Variants in EPHB6 observed in about 807,000 individuals in gnomAD.
EPHB6 encodes the protein ephrin type-B receptor 6.
In EPHB6, 51 loss-of-function variants were observed where a neutral mutation model predicts 107.0. The ratio of observed to expected loss-of-function variants is 0.48; its 90% CI spans 0.38 to 0.60. EPHB6 has a LOEUF of 0.60. EPHB6 is among the 20% of genes least tolerant of loss of function. The pLI, the probability that EPHB6 is intolerant of heterozygous loss-of-function variation, is 0.00. For synonymous variants in EPHB6, 553 were observed against 549.0 expected (o/e 1.01, Z -0.10); for missense variants, 1,141 against 1,355.5 (o/e 0.84, Z 2.48).
Position 142,867,588 on chromosome 7 carries a change from C to T in EPHB6, c.1751-20C>T. The T allele has an allele frequency of 1.2e-6, 2 of 1,601,354 alleles. No individual in the cohort carries two copies. Among genetic ancestry groups the T allele is most frequent in the South Asian group, 1.1e-5 (1 of 88,862 alleles). ...GTGAGAGACCTGGCCCACCTGTGAC[C>T]CTGTCGGCTGGTCCCCCAGGGGAGC... On this transcript the variant is annotated intron_variant, in intron 11 of 19. Coordinates refer to ENST00000652003, the MANE Select transcript of EPHB6 (RefSeq NM_004445.6). This position sits in a 1 kb window ranked among gnomAD's most constrained non-coding sequence, Gnocchi z 5.3.
Position 142,868,462 on chromosome 7 carries a change from C to T in EPHB6, c.2039-30C>T, listed in dbSNP as rs879206334. ...ACAGCAGGACGCTGTGAGCCTTGAT[C>T]CCCACCCCAACCTACACCTATTTTC... On this transcript the variant is annotated intron_variant, in intron 14 of 19. Coordinates refer to ENST00000652003, the MANE Select transcript of EPHB6 (RefSeq NM_004445.6). This position sits in a 1 kb window ranked among gnomAD's most constrained non-coding sequence, Gnocchi z 4.2. 1 of 1,614,154 alleles carries T rather than the reference C, an allele frequency of 6.2e-7. No homozygotes were observed. The highest frequency in any genetic ancestry group is 8.5e-7 in the Non-Finnish European group (1 of 1,180,030).
Position 142,870,365 on chromosome 7 carries a change from G to T in EPHB6, c.2762G>T (p.Arg921Leu). ...QLVAAFDKMI[R>L]KPDTLQAGGD... Reference sequence around the variant, plus strand: ...GTGGCTGCATTTGACAAGATGATCCGCAAGCCAGATACCCTGCAGGCTGGC... The same window carrying T: ...GTGGCTGCATTTGACAAGATGATCCTCAAGCCAGATACCCTGCAGGCTGGC... Residue 921 changes from arginine to leucine, a missense_variant, in exon 18 of 20, where the codon CGC becomes CTC. Physicochemically the swap from Arg to Leu is moderately radical, Grantham distance 102. Transcript: ENST00000652003. 6.2e-7 allele frequency: 1 copy of T among 1,614,170 alleles called. No individual in the cohort carries two copies. The highest frequency in any genetic ancestry group is 8.5e-7 in the Non-Finnish European group (1 of 1,180,036).
Position 142,866,273 on chromosome 7 carries a change from C to T in EPHB6, c.1419C>T (p.Asp473=), listed in dbSNP as rs769871423. The change falls in exon 9 of 20, where the codon GAC becomes GAT. Residue 473 remains aspartate (D), a synonymous_variant. Coordinates refer to ENST00000652003, the MANE Select transcript of EPHB6 (RefSeq NM_004445.6). The surrounding 1 kb of genome is among the most constrained non-coding windows in gnomAD (Gnocchi z 5.2). ...AVNGVSELSP[D]PPQAAAINVS... ...ATGGGGTGTCTGAGCTCAGCCCTGA[C>T]CCTCCTCAGGCTGCAGCCATCAATG... is the stretch of plus-strand genomic sequence containing the variant. 3.7e-6 allele frequency: 6 copies of T among 1,613,940 alleles called. No homozygotes were observed. In the African/African-American group the frequency reaches 6.7e-5, roughly 18 times the overall value.
At chr7:142,862,675 G>A (rs966532519) in intron 3 of EPHB6, 81 bp from the exon 4 acceptor site, 2 of 152,962 alleles carry the variant, frequency 1.3e-5, no homozygotes, top group African/African-American at 2.4e-5. Context: ...GGTGTGGTGA[G>A]GATTCAATTC....
Position 142,868,575 on chromosome 7 carries a change from G to A in EPHB6, c.2122G>A (p.Gly708Arg), listed in dbSNP as rs200244040. 40 of 1,613,324 alleles carry A rather than the reference G, an allele frequency of 2.5e-5. No homozygotes were observed. The Admixed American group carries it at 3.3e-4, about 13-fold the overall frequency. The change falls in exon 15 of 20, where the codon GGG becomes AGG. Residue 708 changes from glycine (G) to arginine (R), a missense_variant. By Grantham distance (125) the Gly-to-Arg change is moderately radical. Transcript: ENST00000652003. The surrounding 1 kb of genome is among the most constrained non-coding windows in gnomAD (Gnocchi z 4.2). ...TGTGGCCATCCAGGCCCTGTGGGCCGGGGGCGCCGAAAGCCTGCAGATGAC... is the reference window on the plus strand; with the variant it reads ...TGTGGCCATCCAGGCCCTGTGGGCCAGGGGCGCCGAAAGCCTGCAGATGAC... ...QTVAIQALWA[G>R]GAESLQMTFL... is the part of the protein sequence containing the mutation.
rs555319297 is a variant in EPHB6, at chr7:142,864,417, C to T, written c.617C>T (p.Thr206Ile). The change falls in exon 7 of 20, where the codon ACC (threonine) becomes ATC (isoleucine). Residue 206 changes from threonine (T) to isoleucine (I), a missense_variant. By Grantham distance (89) the Thr-to-Ile change is moderately conservative. Coordinates refer to ENST00000652003, the MANE Select transcript of EPHB6 (RefSeq NM_004445.6). ...AAAGAGCGGAGCTTTGGGCCTCTCA[C>T]CCAACGCGGCTTCTACGTGGCCTTC... ...NVKERSFGPL[T>I]QRGFYVAFQD... is the part of the protein sequence containing the mutation. 1 of 1,612,306 alleles carries T rather than the reference C, an allele frequency of 6.2e-7. No homozygotes were observed. Among genetic ancestry groups the T allele is most frequent in the Admixed American group, 1.7e-5 (1 of 60,000 alleles).
Position 142,866,396 on chromosome 7 carries a change from G to A in EPHB6, c.1462+80G>A. 1 of 1,611,552 alleles carries A rather than the reference G, an allele frequency of 6.2e-7. No individual in the cohort carries two copies. On this transcript the variant is annotated intron_variant, in intron 9 of 19. Coordinates refer to ENST00000652003, the MANE Select transcript of EPHB6 (RefSeq NM_004445.6). This position sits in a 1 kb window ranked among gnomAD's most constrained non-coding sequence, Gnocchi z 5.2. ...CTTCCCTACTCCTGATCTCCAGCCT[G>A]GTCCACCCCTGCCGCCCTCCCCTCA...
rs1794668080 is a variant in EPHB6, at chr7:142,867,521, C to G, written c.1751-87C>G. 43 of 1,113,802 alleles carry G rather than the reference C, an allele frequency of 3.9e-5. No individual in the cohort carries two copies. The South Asian group carries it at 5.3e-4, about 14-fold the overall frequency. The allele number at this position is 1,113,802 out of a possible 1,614,324, so 69.0% of individuals were successfully genotyped here. A position where few individuals can be genotyped will look rare whatever the true frequency, so the allele number is the denominator to read the frequency against. ...GGCATGCGCGTGCATGTTGTGTGTGCCTGTGGTGTGTGTGGGTGCCTGGGC... is the reference window on the plus strand; with the variant it reads ...GGCATGCGCGTGCATGTTGTGTGTGGCTGTGGTGTGTGTGGGTGCCTGGGC... On this transcript the variant is annotated intron_variant, in intron 11 of 19. Coordinates refer to ENST00000652003, the MANE Select transcript of EPHB6 (RefSeq NM_004445.6). The surrounding 1 kb of genome is among the most constrained non-coding windows in gnomAD (Gnocchi z 5.3).
rs768963973 is a variant in EPHB6 at position 142,870,517 on chromosome 7, C to T, written c.2805-13C>T. The T allele has an allele frequency of 4.3e-6, 7 of 1,614,172 alleles. No individual in the cohort carries two copies. In the East Asian group the frequency reaches 1.1e-4, roughly 26 times the overall value. On this transcript the variant is annotated splice_polypyrimidine_tract_variant and intron_variant, in intron 18 of 19. Coordinates refer to ENST00000652003, the MANE Select transcript of EPHB6 (RefSeq NM_004445.6). ...AGAGGAGACCTTGACCCTGCTTGCC[C>T]CTCCCCTCTTAGGCCTTCCCAGGCC...
At chr7:142,865,125 C>T (rs1322181705) in intron 7 of EPHB6, among the ~76,000 whole-genome samples, 2 of 152,122 alleles carry the variant, frequency 1.3e-5, no homozygotes, top group South Asian at 2.1e-4. Flanking sequence ...GTGACAGGGA[C>T]GCAGGTAGAG....
In EPHB6 at chr7:142,868,758, A is replaced by T. The variant is rs1393414159; in HGVS notation, c.2286+19A>T. 6.2e-7 allele frequency: 1 copy of T among 1,613,684 alleles called. No individual in the cohort carries two copies. Among genetic ancestry groups the T allele is most frequent in the East Asian group, 2.2e-5 (1 of 44,870 alleles). On this transcript the variant is annotated intron_variant, in intron 15 of 19. Transcript: ENST00000652003. This position sits in a 1 kb window ranked among gnomAD's most constrained non-coding sequence, Gnocchi z 4.2. ...CCTCAGGGTCAGTCCAGCCTGGGTGAAGGAGGAGGGTCCTTGGGTCCAGGA... is the reference window on the plus strand; with the variant it reads ...CCTCAGGGTCAGTCCAGCCTGGGTGTAGGAGGAGGGTCCTTGGGTCCAGGA...
In EPHB6 at chr7:142,870,517, C is replaced by G. The variant is rs768963973; in HGVS notation, c.2805-13C>G. 2.5e-6 allele frequency: 4 copies of G among 1,614,172 alleles called. No homozygotes were observed. Among genetic ancestry groups the G allele is most frequent in the South Asian group, 2.2e-5 (2 of 91,088 alleles). On this transcript the variant is annotated splice_polypyrimidine_tract_variant and intron_variant, in intron 18 of 19. Coordinates refer to ENST00000652003, the MANE Select transcript of EPHB6 (RefSeq NM_004445.6). Reference sequence around the variant, plus strand: ...AGAGGAGACCTTGACCCTGCTTGCCCCTCCCCTCTTAGGCCTTCCCAGGCC... The same window carrying G: ...AGAGGAGACCTTGACCCTGCTTGCCGCTCCCCTCTTAGGCCTTCCCAGGCC...
Position 142,868,927 on chromosome 7 carries a change from C to G in EPHB6, c.2287-47C>G, listed in dbSNP as rs866404439. 2 of 1,500,764 alleles carry G rather than the reference C, an allele frequency of 1.3e-6. No individual in the cohort carries two copies. Among genetic ancestry groups the G allele is most frequent in the African/African-American group, 1.5e-5 (1 of 66,402 alleles). The allele number at this position is 1,500,764 out of a possible 1,614,324, so 93.0% of individuals were successfully genotyped here. A position where few individuals can be genotyped will look rare whatever the true frequency, so the allele number is the denominator to read the frequency against. ...CTGCTATGCAGTATGTTGAGGTCTC[C>G]CCCTGTCTCCGATCACTGACCTCTG... On this transcript the variant is annotated intron_variant, in intron 15 of 19. Transcript: ENST00000652003. This position sits in a 1 kb window ranked among gnomAD's most constrained non-coding sequence, Gnocchi z 4.2.
Position 142,867,924 on chromosome 7 carries a change from C to G in EPHB6, c.1866-73C>G, listed in dbSNP as rs928127878. 8.4e-6 allele frequency: 13 copies of G among 1,544,002 alleles called. No homozygotes were observed. The highest frequency in any genetic ancestry group is 1.1e-5 in the Non-Finnish European group (13 of 1,142,094). ...CTCCACAGACCGACTAAAGAGCAGT[C>G]TGGAGGGTGACAAGGGGGCAGCAAG... is the stretch of plus-strand genomic sequence containing the variant. On this transcript the variant is annotated intron_variant, in intron 12 of 19. Transcript: ENST00000652003. This position sits in a 1 kb window ranked among gnomAD's most constrained non-coding sequence, Gnocchi z 5.3.
Position 142,868,925 on chromosome 7 carries a change from TCC to T in EPHB6, c.2287-45_2287-44del, listed in dbSNP as rs1794755083. ...GTCTGCTATGCAGTATGTTGAGGTC[TCC>T]CCCTGTCTCCGATCACTGACCTCTG... On this transcript the variant is annotated intron_variant, in intron 15 of 19. Coordinates refer to ENST00000652003, the MANE Select transcript of EPHB6 (RefSeq NM_004445.6). The surrounding 1 kb of genome is among the most constrained non-coding windows in gnomAD (Gnocchi z 4.2). 2.6e-5 allele frequency: 39 copies of T among 1,500,136 alleles called. No individual in the cohort carries two copies. The highest frequency in any genetic ancestry group is 2.4e-4 in the South Asian group (21 of 86,630). The allele number at this position is 1,500,136 out of a possible 1,614,324, so 92.9% of individuals were successfully genotyped here.
Position 142,868,020 on chromosome 7 carries a change from CA to C in EPHB6, c.1890del (p.Glu631SerfsTer13). 6.3e-7 allele frequency: 1 copy of C among 1,589,066 alleles called. No homozygotes were observed. Among genetic ancestry groups the C allele is most frequent in the Admixed American group, 1.8e-5 (1 of 56,106 alleles). The part of the protein sequence containing the change: ...FQRKRRGTGY[T>X]EQLQQYSSPG... ...AGGAAGCGGCGTGGGACTGGCTACA[CA>C]GAGCAGCTGCAGCAATACAGCAGCC... On this transcript the variant is annotated frameshift_variant, in exon 13 of 20. Transcript: ENST00000652003. LOFTEE classifies it high-confidence loss of function. The surrounding 1 kb of genome is among the most constrained non-coding windows in gnomAD (Gnocchi z 4.2).
rs2116454736 is a variant in EPHB6 at position 142,867,003 on chromosome 7, G to A, written c.1685G>A (p.Arg562Gln). The A allele has an allele frequency of 1.2e-6, 2 of 1,613,924 alleles. No individual in the cohort carries two copies. The highest frequency in any genetic ancestry group is 1.7e-6 in the Non-Finnish European group (2 of 1,179,996). ...SPGHIYGFQVRARTAAGHGPY... is the reference protein window; with the variant it reads ...SPGHIYGFQVQARTAAGHGPY... ...GGCCACATCTATGGTTTCCAGGTGCGGGCCCGGACTGCTGCCGGCCACGGC... is the reference window on the plus strand; with the variant it reads ...GGCCACATCTATGGTTTCCAGGTGCAGGCCCGGACTGCTGCCGGCCACGGC... Residue 562 changes from arginine to glutamine, a missense_variant, in exon 11 of 20, where the codon CGG (arginine) becomes CAG (glutamine). Coordinates refer to ENST00000652003, the MANE Select transcript of EPHB6 (RefSeq NM_004445.6). The surrounding 1 kb of genome is among the most constrained non-coding windows in gnomAD (Gnocchi z 5.3).
intron 5 of EPHB6, 130 bp from the exon 6 acceptor site, chr7:142,863,501 C>A: frequency 8.0e-7 from 1 of 1,244,470 alleles, no homozygotes. Flanking sequence ...CCCTGATGGA[C>A]AGCTGTGCTC....
rs1794805946 is a variant in EPHB6, at chr7:142,869,697, A to G, written c.2461-120A>G. The G allele has an allele frequency of 5.1e-6, 6 of 1,181,456 alleles. No homozygotes were observed. Among genetic ancestry groups the G allele is most frequent in the African/African-American group, 1.5e-5 (1 of 65,922 alleles). 73.2% of individuals were successfully genotyped at this position (1,181,456 alleles called of 1,614,324 possible). ...ATATCATCCACCTTAGAGGGTTGTT[A>G]TGAGGATTAAATGAGATGCTTGATG... On this transcript the variant is annotated intron_variant, in intron 16 of 19. Coordinates refer to ENST00000652003, the MANE Select transcript of EPHB6 (RefSeq NM_004445.6). This position sits in a 1 kb window ranked among gnomAD's most constrained non-coding sequence, Gnocchi z 4.5.
Sources: gnomAD v4.1 joint callset for allele counts (sites outside exome capture counted in the v4.1 genomes callset) on GRCh38, gnomAD v4.1.1 for gene constraint, Gnocchi (gnomAD v3.1) non-coding constraint, MANE v1.5 for transcripts, NCBI Gene and HGNC (gene_info 2026-07-23, HGNC 2026-07-21) for gene names.